NELL1: variants seen among roughly 807,000 people sequenced by gnomAD.
NELL1 encodes neural EGFL like 1.
Under a neutral mutation model 107.4 loss-of-function variants are expected in NELL1, and 76 were observed. The observed-to-expected ratio is 0.71, with a 90% CI of 0.59 to 0.86. NELL1 has a LOEUF of 0.86. Among genes scored for constraint, NELL1 ranks in the 40% least tolerant of loss-of-function variants. The pLI, the probability that NELL1 is intolerant of heterozygous loss-of-function variation, is 0.00. For missense variants in NELL1, 1,024 were observed against 1,005.5 expected (o/e 1.02, Z -0.25); for synonymous variants, 353 against 341.2 (o/e 1.03, Z -0.38).
chr11:21,219,858 C>G (rs1857709989), intron 13 of NELL1, among the ~76,000 whole-genome samples: 1 of 152,140 alleles, frequency 6.6e-6, no homozygotes, highest in Non-Finnish European at 1.5e-5. Flanking sequence ...AAAGAGGTTT[C>G]ATTGACTCTC....
At chr11:21,086,828 CTTTTTTTTTTTT>C (rs35537964) in intron 12 of NELL1, among the ~76,000 whole-genome samples, 1 of 112,952 alleles carries the variant, frequency 8.9e-6, no homozygotes, top group East Asian at 3.0e-4. Flanking sequence ...CTTAATGGAT[CTTTTTTTTTTTT>C]TTTTTTTTTG....
chr11:21,118,011 GC>G (rs1299163595), intron 13 of NELL1, among the ~76,000 whole-genome samples: 1 of 152,000 alleles, frequency 6.6e-6, no homozygotes, highest in East Asian at 1.9e-4. Flanking sequence ...CTAACAGATT[GC>G]CAACAAATAT....
In NELL1 at chr11:21,560,333, G is replaced by T. The variant is rs1856819627; in HGVS notation, c.1931G>T (p.Gly644Val). The change falls in exon 17 of 20, where the codon GGC becomes GTC. Residue 644 changes from glycine to valine, a missense_variant. Gly to Val is a moderately radical substitution (Grantham distance 109). Transcript: ENST00000357134. ...CATGAAGGGGGGCTGAAGCACAATG[G>T]CCAGGTGTGGACCTTGAAAGAAGAC... ...CPHEGGLKHN[G>V]QVWTLKEDRC... 1 of 1,611,706 alleles carries T rather than the reference G, an allele frequency of 6.2e-7. No individual in the cohort carries two copies. Among genetic ancestry groups the T allele is most frequent in the South Asian group, 1.1e-5 (1 of 90,764 alleles).
At chr11:21,179,127 T>TCAGTAA (rs1565098244) in intron 13 of NELL1, among the ~76,000 whole-genome samples, 1 of 151,882 alleles carries the variant, frequency 6.6e-6, no homozygotes. Flanking sequence ...ATATAGGAGT[T>TCAGTAA]CAGTAACAGT....
intron 14 of NELL1, among the ~76,000 whole-genome samples, chr11:21,251,350 G>A (rs2133910702): frequency 6.6e-6 from 1 of 152,064 alleles, no homozygotes; most frequent in African/African-American, 2.4e-5. Flanking sequence ...CAATATAAAA[G>A]GAGACTCTTT....
chr11:21,534,070 C>T (rs1328615954), intron 15 of NELL1, among the ~76,000 whole-genome samples: 1 of 152,126 alleles, frequency 6.6e-6, no homozygotes, highest in East Asian at 1.9e-4. Flanking sequence ...ACACCCAATA[C>T]CAAAACTGTG....
At chr11:21,188,620 A>G (rs1056937303) in intron 13 of NELL1, among the ~76,000 whole-genome samples, 1 of 151,876 alleles carries the variant, frequency 6.6e-6, no homozygotes, top group Non-Finnish European at 1.5e-5. Context: ...AATTTATTTA[A>G]AAAGAACCAA....
At chr11:20,920,645 A>G (rs1036939522) in intron 7 of NELL1, among the ~76,000 whole-genome samples, 1 of 152,076 alleles carries the variant, frequency 6.6e-6, no homozygotes, top group Admixed American at 6.6e-5. Flanking sequence ...ATATTTTAGC[A>G]TGCTACCAAA....
Position 20,701,779 on chromosome 11 carries a change from T to C in NELL1, c.184+23719T>C, listed in dbSNP as rs909907630. Among the ~76,000 whole-genome samples the C allele has an allele frequency of 4.0e-4, 61 of 152,034 alleles. No individual in the cohort carries two copies. The South Asian group carries it at 8.1e-3, about 20-fold the overall frequency. ...ATTAAATGGGGAATCCTTTCCCCAT[T>C]GCTTGTTTTTGTCAGGTTTGTCAAA... On this transcript the variant is annotated intron_variant, in intron 2 of 19. Coordinates refer to ENST00000357134, the MANE Select transcript of NELL1 (RefSeq NM_006157.5).
At position 20,927,423 on chromosome 11, in the gene NELL1, G is replaced by T. The variant is rs1301883137; in HGVS notation, c.875G>T (p.Cys292Phe). The T allele has an allele frequency of 6.2e-7, 1 of 1,610,408 alleles. No homozygotes were observed. The highest frequency in any genetic ancestry group is 1.1e-5 in the South Asian group (1 of 89,672). The part of the protein sequence containing the change: ...DQDSWVDGDH[C>F]RNCTCKSGAV... Reference sequence around the variant, plus strand: ...GACTCTTGGGTAGATGGTGACCATTGCAGGAACTGCACTTGCAAAGTAAGC... The same window carrying T: ...GACTCTTGGGTAGATGGTGACCATTTCAGGAACTGCACTTGCAAAGTAAGC... The change falls in exon 8 of 20, where the codon TGC (cysteine) becomes TTC (phenylalanine). Residue 292 changes from cysteine (C) to phenylalanine (F), a missense_variant. Physicochemically the swap from Cys to Phe is radical, Grantham distance 205. Coordinates refer to ENST00000357134, the MANE Select transcript of NELL1 (RefSeq NM_006157.5).
In NELL1 at chr11:20,871,747, T is replaced by C. The variant is rs777183594; in HGVS notation, c.507-13697T>C. Reference sequence around the variant, plus strand: ...CTTTAAGAAGAGGCCCTGCTGGGCGTGGTGGCTCACACCTGTAATCCCAGC... The same window carrying C: ...CTTTAAGAAGAGGCCCTGCTGGGCGCGGTGGCTCACACCTGTAATCCCAGC... On this transcript the variant is annotated intron_variant, in intron 4 of 19. Coordinates refer to ENST00000357134, the MANE Select transcript of NELL1 (RefSeq NM_006157.5). 4.0e-5 allele frequency among the ~76,000 whole-genome samples: 6 copies of C among 151,870 alleles called. No individual in the cohort carries two copies. The East Asian group carries it at 5.8e-4, about 15-fold the overall frequency.
chr11:21,020,119 T>C (rs566992186), intron 12 of NELL1, among the ~76,000 whole-genome samples: 1 of 152,258 alleles, frequency 6.6e-6, no homozygotes, highest in African/African-American at 2.4e-5. Context: ...TATATGTCAA[T>C]TAATATGCAC....
chr11:21,421,741 G>A (rs181383888), intron 15 of NELL1, among the ~76,000 whole-genome samples: 38 of 152,118 alleles, frequency 2.5e-4, no homozygotes, highest in Non-Finnish European at 4.7e-4. Flanking sequence ...AGCAATAATG[G>A]CCAAAAACTC....
At chr11:21,342,492 C>A (rs1202874424) in intron 14 of NELL1, among the ~76,000 whole-genome samples, 2 of 148,836 alleles carry the variant, frequency 1.3e-5, no homozygotes, top group African/African-American at 5.0e-5. Context: ...ACATTATAAA[C>A]AAATTAGCAG....
chr11:20,960,636 G>A (rs1851271404), intron 12 of NELL1, 76 bp downstream of exon 12: 12 of 1,522,798 alleles, frequency 7.9e-6, no homozygotes, highest in South Asian at 1.2e-5. Context: ...TGGTTAAAGA[G>A]TGAAAACTAT....
intron 14 of NELL1, among the ~76,000 whole-genome samples, chr11:21,353,169 A>G (rs939748187): frequency 6.6e-6 from 1 of 152,176 alleles, no homozygotes; most frequent in Non-Finnish European, 1.5e-5. Flanking sequence ...CATGGCCAGT[A>G]TCATGTGGAC....
At chr11:21,276,675 G>T (rs987552121) in intron 14 of NELL1, among the ~76,000 whole-genome samples, 10 of 152,162 alleles carry the variant, frequency 6.6e-5, no homozygotes, top group Non-Finnish European at 1.3e-4. Context: ...AACCAAAACA[G>T]CATGGTACTG....
chr11:21,120,712 T>G (rs1174923488), intron 13 of NELL1, among the ~76,000 whole-genome samples: 2 of 152,180 alleles, frequency 1.3e-5, no homozygotes, highest in Non-Finnish European at 2.9e-5. Flanking sequence ...GCAAAGCTAC[T>G]TTTTGCTTGT....
intron 15 of NELL1, among the ~76,000 whole-genome samples, chr11:21,442,593 A>T (rs1395455581): frequency 6.6e-6 from 1 of 151,994 alleles, no homozygotes; most frequent in African/African-American, 2.4e-5. Flanking sequence ...TCAATAAAAT[A>T]TTCAACATAT....
Sources: gnomAD v4.1 joint callset for allele counts (sites outside exome capture counted in the v4.1 genomes callset) on GRCh38, gnomAD v4.1.1 for gene constraint, MANE v1.5 for transcripts, NCBI Gene and HGNC (gene_info 2026-07-23, HGNC 2026-07-21) for gene names.